RIMS4: variants seen among roughly 807,000 people sequenced by gnomAD.
RIMS4 encodes the protein regulating synaptic membrane exocytosis protein 4.
Under a neutral mutation model 29.0 loss-of-function variants are expected in RIMS4, and 9 were observed. That is an observed-to-expected ratio of 0.31 (90% confidence interval 0.19 to 0.54). The LOEUF is 0.54. Ranked by LOEUF, RIMS4 falls within the 20% of genes least tolerant of loss-of-function variation. The probability of loss-of-function intolerance (pLI) is 0.94; values close to 1 mark genes in which losing one functional copy is unlikely to be tolerated. For synonymous variants in RIMS4, 130 were observed against 152.9 expected (o/e 0.85, Z 1.10); for missense variants, 193 against 365.7 (o/e 0.53, Z 3.85).
rs553280821 is a variant in RIMS4, at chr20:44,794,649, A to G, written c.97+15526T>C. On this transcript the variant is annotated intron_variant, in intron 1 of 5. Coordinates refer to ENST00000372851, the MANE Select transcript of RIMS4 (RefSeq NM_182970.4). The stretch of plus-strand genomic sequence containing the variant: ...CAGGAACTGGCCTGGCCTTGTCTCC[A>G]GGAGAGTAATTTGTTCCTGCCTTCA... Among the ~76,000 whole-genome samples, 166 of 152,340 alleles carry G rather than the reference A, an allele frequency of 1.1e-3. 1 individual carries two copies. The highest frequency in any genetic ancestry group is 2.1e-3 in the Non-Finnish European group (142 of 68,028).
chr20:44,779,444 G>C (rs2066174247), intron 1 of RIMS4, among the ~76,000 whole-genome samples: 1 of 152,142 alleles, frequency 6.6e-6, no homozygotes, highest in African/African-American at 2.4e-5. Context: ...ACTTCTAACA[G>C]CACAGACTGG....
intron 1 of RIMS4, among the ~76,000 whole-genome samples, chr20:44,773,072 AAC>A (rs2066144026): frequency 6.6e-6 from 1 of 152,166 alleles, no homozygotes; most frequent in Non-Finnish European, 1.5e-5. Context: ...CACTCAGAAA[AAC>A]ACAGCAACAC....
At chr20:44,802,539 G>A (rs1048277419) in intron 1 of RIMS4, among the ~76,000 whole-genome samples, 2 of 152,144 alleles carry the variant, frequency 1.3e-5, no homozygotes, top group African/African-American at 4.8e-5. Flanking sequence ...GGTGAGATTC[G>A]AAGAGGGGTG....
chr20:44,783,497 G>A (rs1216124466), intron 1 of RIMS4, among the ~76,000 whole-genome samples: 1 of 152,052 alleles, frequency 6.6e-6, no homozygotes, highest in African/African-American at 2.4e-5. Context: ...GGTGGTGTGT[G>A]TCTGTAATCC....
chr20:44,756,961 C>T lies in RIMS4; in HGVS notation c.528G>A (p.Ser176=), dbSNP rs375368067. ...GCACCTGGTTATACAGTGGGTCCAG[C>T]GACTTGCGAGCGACTTTGGTCTTCT... ...AKKKTKVARK[S]LDPLYNQVLL... is the part of the protein sequence containing the mutation. Residue 176 remains serine, a synonymous_variant, in exon 5 of 6, where the codon TCG becomes TCA. Transcript: ENST00000372851. The surrounding 1 kb of genome is among the most constrained non-coding windows in gnomAD (Gnocchi z 5.9). 1.6e-4 allele frequency: 261 copies of T among 1,614,110 alleles called. No homozygotes were observed. Among genetic ancestry groups the T allele is most frequent in the Middle Eastern group, 5.0e-4 (3 of 6,060 alleles).
intron 1 of RIMS4, among the ~76,000 whole-genome samples, chr20:44,792,613 C>G (rs2066238120): frequency 6.6e-6 from 1 of 152,106 alleles, no homozygotes; most frequent in Non-Finnish European, 1.5e-5. Context: ...TTGAATGGCC[C>G]TGGGCCAAAG....
chr20:44,779,057 G>C (rs749317001), intron 1 of RIMS4, among the ~76,000 whole-genome samples: 8 of 152,144 alleles, frequency 5.3e-5, no homozygotes, highest in Non-Finnish European at 1.2e-4. Context: ...AACACACACT[G>C]TCTTTCTGAC....
intron 1 of RIMS4, among the ~76,000 whole-genome samples, chr20:44,777,445 T>G (rs1166254448): frequency 6.6e-6 from 1 of 152,264 alleles, no homozygotes. Context: ...CCCTGTACCA[T>G]GTACAAATTA....
At position 44,757,743 on chromosome 20, in the gene RIMS4, C is replaced by T. The variant is rs762581746; in HGVS notation, c.378G>A (p.Arg126=). 1.2e-6 allele frequency: 2 copies of T among 1,614,096 alleles called. No homozygotes were observed. Among genetic ancestry groups the T allele is most frequent in the Non-Finnish European group, 1.7e-6 (2 of 1,180,014 alleles). ...MGDVEIGLQE[R]NGQLEVDIIQ... ...TAATGTCCACCTCCAACTGACCGTT[C>T]CGCTCCTGCAGACCGATCTCCACAT... The change falls in exon 4 of 6, where the codon CGG becomes CGA. Residue 126 remains arginine (R), a synonymous_variant. Transcript: ENST00000372851.
At position 44,755,998 on chromosome 20, in the gene RIMS4, G is replaced by A. The variant is rs2066058025; in HGVS notation, c.*136C>T. 8.4e-6 allele frequency: 6 copies of A among 710,940 alleles called. No individual in the cohort carries two copies. Among genetic ancestry groups the A allele is most frequent in the Non-Finnish European group, 9.6e-6 (4 of 417,284 alleles). The allele number at this position is 710,940 out of a possible 1,614,324, so 44.0% of individuals were successfully genotyped here. On this transcript the variant is annotated 3_prime_UTR_variant, in exon 6 of 6. Coordinates refer to ENST00000372851, the MANE Select transcript of RIMS4 (RefSeq NM_182970.4). ...GGGGTGAGGAGGGGCCCAAGGGGGGGCAGGTCTCCCCGTTCTGCTTCCCCA... is the reference window on the plus strand; with the variant it reads ...GGGGTGAGGAGGGGCCCAAGGGGGGACAGGTCTCCCCGTTCTGCTTCCCCA...
At chr20:44,757,427 C>T (rs572741652) in intron 4 of RIMS4, among the ~76,000 whole-genome samples, 6 of 152,196 alleles carry the variant, frequency 3.9e-5, no homozygotes, top group Admixed American at 2.6e-4. Flanking sequence ...TAATGATAAG[C>T]TGGAAAGATG....
At chr20:44,808,276 C>T (rs2066307953) in intron 1 of RIMS4, among the ~76,000 whole-genome samples, 1 of 152,146 alleles carries the variant, frequency 6.6e-6, no homozygotes, top group Admixed American at 6.5e-5. Flanking sequence ...ATGAGTGGAC[C>T]TTTAAAAATA....
At chr20:44,778,494 A>G (rs2066170088) in intron 1 of RIMS4, among the ~76,000 whole-genome samples, 1 of 152,150 alleles carries the variant, frequency 6.6e-6, no homozygotes, top group South Asian at 2.1e-4. Context: ...TGGGCAACAT[A>G]GTGAGACCCT....
rs1233156769 is a variant in RIMS4, at chr20:44,754,650, G to A, written c.*1484C>T. ...AGGAGGAGGGGCTGGCCTCCTGTGAGCCAGGCTGCCCCATCTAGGCCCAGG... is the reference window on the plus strand; with the variant it reads ...AGGAGGAGGGGCTGGCCTCCTGTGAACCAGGCTGCCCCATCTAGGCCCAGG... On this transcript the variant is annotated 3_prime_UTR_variant, in exon 6 of 6. Transcript: ENST00000372851. 1.3e-5 allele frequency: 2 copies of A among 152,876 alleles called. No homozygotes were observed. The highest frequency in any genetic ancestry group is 2.9e-5 in the Non-Finnish European group (2 of 68,268). 9.5% of individuals were successfully genotyped at this position (152,876 alleles called of 1,614,324 possible).
chr20:44,780,981 C>T (rs1376975825), intron 1 of RIMS4, among the ~76,000 whole-genome samples: 5 of 152,120 alleles, frequency 3.3e-5, no homozygotes, highest in Admixed American at 6.5e-5. Flanking sequence ...AAGGGTTATG[C>T]CCCTGGAAGG....
At chr20:44,798,674 C>T (rs1434029112) in intron 1 of RIMS4, among the ~76,000 whole-genome samples, 1 of 152,206 alleles carries the variant, frequency 6.6e-6, no homozygotes, top group Non-Finnish European at 1.5e-5. Context: ...CTTGCCCCAA[C>T]AGTTATGCCC....
intron 4 of RIMS4, among the ~76,000 whole-genome samples, chr20:44,757,463 C>T (rs112421694): frequency 5.0e-4 from 76 of 152,278 alleles, no homozygotes; most frequent in African/African-American, 1.7e-3. Context: ...GAGCTCAGTC[C>T]AGTGGAGGAG....
At position 44,754,654 on chromosome 20, in the gene RIMS4, G is replaced by C. The variant is rs1402544507; in HGVS notation, c.*1480C>G. ...GGAGGGGCTGGCCTCCTGTGAGCCA[G>C]GCTGCCCCATCTAGGCCCAGGCCAG... is the stretch of plus-strand genomic sequence containing the variant. On this transcript the variant is annotated 3_prime_UTR_variant, in exon 6 of 6. Transcript: ENST00000372851. 2.0e-5 allele frequency: 3 copies of C among 152,944 alleles called. No homozygotes were observed. The highest frequency in any genetic ancestry group is 4.4e-5 in the Non-Finnish European group (3 of 68,332). The allele number at this position is 152,944 out of a possible 1,614,324, so 9.5% of individuals were successfully genotyped here.
intron 1 of RIMS4, among the ~76,000 whole-genome samples, chr20:44,788,378 G>A (rs2066217877): frequency 6.6e-6 from 1 of 152,196 alleles, no homozygotes; most frequent in Non-Finnish European, 1.5e-5. Context: ...CTATTGGGCA[G>A]CGCTGGGCTA....
Sources: allele counts gnomAD v4.1 joint callset (sites outside exome capture counted in the v4.1 genomes callset), GRCh38; gene constraint gnomAD v4.1.1; non-coding constraint Gnocchi (gnomAD v3.1); transcripts MANE v1.5; gene names NCBI Gene and HGNC (gene_info 2026-07-23, HGNC 2026-07-21).